Variants in BMP4 observed in about 807,000 individuals in gnomAD.
BMP4 encodes bone morphogenetic protein 2B.
BMP4 carries 3 observed loss-of-function variants against 29.6 expected under a neutral mutation model. The ratio of observed to expected loss-of-function variants is 0.10; its 90% CI spans 0.05 to 0.26. The LOEUF is 0.26. Among genes scored for constraint, BMP4 ranks in the 10% least tolerant of loss-of-function variants. The pLI, the probability that BMP4 is intolerant of heterozygous loss-of-function variation, is 1.00. For synonymous variants in BMP4, 197 were observed against 213.2 expected (o/e 0.92, Z 0.66); for missense variants, 455 against 550.2 (o/e 0.83, Z 1.73).
Position 53,949,786 on chromosome 14 carries a change from TATAA to T in BMP4, c.*242_*245del. On this transcript the variant is annotated 3_prime_UTR_variant, in exon 4 of 4. Coordinates refer to ENST00000245451, the MANE Select transcript of BMP4 (RefSeq NM_001202.6). ...TTATTTTTTTCTTTTAATACGTAGT[TATAA>T]ATATATTTTGTCAAAATATATGATC... 2.2e-6 allele frequency: 1 copy of T among 444,726 alleles called. No homozygotes were observed. Among genetic ancestry groups the T allele is most frequent in the Non-Finnish European group, 4.0e-6 (1 of 252,686 alleles). 27.5% of individuals were successfully genotyped at this position (444,726 alleles called of 1,614,324 possible).
Position 53,951,946 on chromosome 14 carries a change from C to G in BMP4, c.277G>C (p.Glu93Gln). 6.2e-7 allele frequency: 1 copy of G among 1,609,134 alleles called. No homozygotes were observed. The highest frequency in any genetic ancestry group is 8.5e-7 in the Non-Finnish European group (1 of 1,180,014). The change falls in exon 3 of 4, where the codon GAG (glutamate) becomes CAG (glutamine). Residue 93 changes from glutamate to glutamine, a missense_variant. This residue lies in a region of BMP4 where 249 missense variants were observed against 284.6 expected (regional missense o/e 0.87). Transcript: ENST00000245451. ...CTGTGGATCTGCTCTTCCTCCTCCT[C>G]CCCAGACTGAAGCCGGTAAAGATCC... ...MRDLYRLQSG[E>Q]EEEEQIHSTG...
Position 53,950,360 on chromosome 14 carries a change from C to G in BMP4, c.899G>C (p.Arg300Pro), listed in dbSNP as rs915821425. ...AKRSPKHHSQ[R>P]ARKKNKNCRR... Reference sequence around the variant, plus strand: ...GCAGTTCTTATTCTTCTTCCTGGCCCGCTGTGAGTGATGCTTAGGGCTACG... The same window carrying G: ...GCAGTTCTTATTCTTCTTCCTGGCCGGCTGTGAGTGATGCTTAGGGCTACG... Residue 300 changes from arginine to proline, a missense_variant, in exon 4 of 4, where the codon CGG becomes CCG. Coordinates refer to ENST00000245451, the MANE Select transcript of BMP4 (RefSeq NM_001202.6). The surrounding 1 kb of genome is among the most constrained non-coding windows in gnomAD (Gnocchi z 5.4). 1.9e-6 allele frequency: 3 copies of G among 1,613,928 alleles called. No homozygotes were observed. The highest frequency in any genetic ancestry group is 1.7e-6 in the Non-Finnish European group (2 of 1,179,950).
chr14:53,956,764 T>A lies in BMP4; in HGVS notation c.-347A>T, dbSNP rs971841229. The A allele has an allele frequency of 1.3e-4, 54 of 400,004 alleles. No homozygotes were observed. The highest frequency in any genetic ancestry group is 7.6e-4 in the African/African-American group (37 of 48,634). The allele number at this position is 400,004 out of a possible 1,614,324, so 24.8% of individuals were successfully genotyped here. On this transcript the variant is annotated 5_prime_UTR_variant, in exon 1 of 4. In the 5' UTR this introduces an upstream ATG that the reference lacks. Transcript: ENST00000245451. ...AGCTCGGATGCCACACTCACCTAGC[T>A]TCCGGGCCGGGCTCCGCGCTCCTTC...
intron 1 of BMP4, among the ~76,000 whole-genome samples, chr14:53,953,609 G>A (rs900483106): frequency 3.3e-5 from 5 of 151,836 alleles, no homozygotes; most frequent in African/African-American, 9.6e-5. Flanking sequence ...CCGAGCCTCA[G>A]CGGTCCGGGA....
chr14:53,953,381 A>T lies in BMP4; in HGVS notation c.-113T>A, dbSNP rs543662999. The T allele has an allele frequency of 2.5e-6, 1 of 399,212 alleles. No homozygotes were observed. Among genetic ancestry groups the T allele is most frequent in the South Asian group, 1.3e-4 (1 of 7,862 alleles). 24.7% of individuals were successfully genotyped at this position (399,212 alleles called of 1,614,324 possible). ...AAGCTGCAGCAGTGCGTTGCTCGGG[A>T]TGGCACTACGGAATGGCTCCTAAAA... On this transcript the variant is annotated 5_prime_UTR_variant, in exon 2 of 4. Transcript: ENST00000245451.
chr14:53,953,074 C>G (rs905976472), intron 2 of BMP4, among the ~76,000 whole-genome samples: 3 of 152,146 alleles, frequency 2.0e-5, no homozygotes, highest in African/African-American at 7.2e-5. Context: ...GCTGAGAGGG[C>G]GAGTGCGCGC....
intron 1 of BMP4, among the ~76,000 whole-genome samples, chr14:53,953,635 G>C (rs1435127355): frequency 6.6e-6 from 1 of 151,676 alleles, no homozygotes; most frequent in Non-Finnish European, 1.5e-5. Flanking sequence ...TCCCGGCGGC[G>C]CTCGGCAGAG....
At chr14:53,951,101 C>T (rs1895383198) in intron 3 of BMP4, among the ~76,000 whole-genome samples, 1 of 152,188 alleles carries the variant, frequency 6.6e-6, no homozygotes, top group Non-Finnish European at 1.5e-5. Flanking sequence ...TAGCATTTCT[C>T]AAGCACCAAA....
Position 53,949,911 on chromosome 14 carries a change from T to C in BMP4, c.*121A>G. The C allele has an allele frequency of 2.2e-6, 2 of 906,774 alleles. No individual in the cohort carries two copies. Among genetic ancestry groups the C allele is most frequent in the South Asian group, 2.2e-5 (1 of 45,640 alleles). The allele number at this position is 906,774 out of a possible 1,614,324, so 56.2% of individuals were successfully genotyped here. On this transcript the variant is annotated 3_prime_UTR_variant, in exon 4 of 4. Coordinates refer to ENST00000245451, the MANE Select transcript of BMP4 (RefSeq NM_001202.6). The stretch of plus-strand genomic sequence containing the variant: ...TTTTTTTTTTTTTTTTAAATAAAAG[T>C]CCAGCTATAAGGAAGCAGTCTGTGT...
chr14:53,952,157 G>C lies in BMP4; in HGVS notation c.66C>G (p.Ser22Arg), dbSNP rs2140238478. ...CCGTCTCAGGTATCAAACTAGCATGGCTCGCGCCTCCTAGCAGGACTTGGC... is the reference window on the plus strand; with the variant it reads ...CCGTCTCAGGTATCAAACTAGCATGCCTCGCGCCTCCTAGCAGGACTTGGC... ...LLCQVLLGGA[S>R]HASLIPETGK... Residue 22 changes from serine to arginine, a missense_variant, in exon 3 of 4, where the codon AGC becomes AGG. Ser to Arg is a moderately radical substitution (Grantham distance 110). This residue lies in a region of BMP4 where 249 missense variants were observed against 284.6 expected (regional missense o/e 0.87). Transcript: ENST00000245451. The C allele has an allele frequency of 6.2e-7, 1 of 1,614,124 alleles. No homozygotes were observed. The highest frequency in any genetic ancestry group is 2.2e-5 in the East Asian group (1 of 44,878).
In BMP4 at chr14:53,952,224, G is replaced by T. The variant is rs1395940068; in HGVS notation, c.-2C>A. On this transcript the variant is annotated 5_prime_UTR_variant, in exon 3 of 4. Coordinates refer to ENST00000245451, the MANE Select transcript of BMP4 (RefSeq NM_001202.6). ...CAGCATTCGGTTACCAGGAATCATG[G>T]TGTCTCTGGGGAGGGGGAGGGGAGT... 6.2e-7 allele frequency: 1 copy of T among 1,613,964 alleles called. No individual in the cohort carries two copies. Among genetic ancestry groups the T allele is most frequent in the Non-Finnish European group, 8.5e-7 (1 of 1,180,038 alleles).
rs1321205344 is a variant in BMP4 at position 53,952,759 on chromosome 14, G to A, written c.-8+517C>T. Among the ~76,000 whole-genome samples the A allele has an allele frequency of 2.0e-5, 3 of 152,220 alleles. No homozygotes were observed. The East Asian group carries it at 5.8e-4, about 29-fold the overall frequency. ...GGCTGGGCGAAGACAGAGGGCGACA[G>A]GGTCCAGAAGCCGAGAAGGTGGTCT... On this transcript the variant is annotated intron_variant, in intron 2 of 3. Coordinates refer to ENST00000245451, the MANE Select transcript of BMP4 (RefSeq NM_001202.6).
chr14:53,952,730 C>T (rs947164815), intron 2 of BMP4, among the ~76,000 whole-genome samples: 1 of 152,032 alleles, frequency 6.6e-6, no homozygotes, highest in Admixed American at 6.5e-5. Context: ...AAGTGAGAGG[C>T]AGGGGCTGGG....
chr14:53,953,615 C>G (rs962957269), intron 1 of BMP4, among the ~76,000 whole-genome samples: 4 of 151,780 alleles, frequency 2.6e-5, no homozygotes, highest in Non-Finnish European at 4.4e-5. Flanking sequence ...CTCAGCGGTC[C>G]GGGAGGAGCT....
chr14:53,953,837 C>A (rs553780905), intron 1 of BMP4, among the ~76,000 whole-genome samples: 1 of 151,498 alleles, frequency 6.6e-6, no homozygotes, highest in South Asian at 2.1e-4. Flanking sequence ...GGAGCGAGGT[C>A]GGGAAAGTCT....
At chr14:53,951,725 A>G in intron 3 of BMP4, 128 bp downstream of exon 3, 1 of 1,398,170 alleles carries the variant, frequency 7.2e-7, no homozygotes, top group South Asian at 1.4e-5. Flanking sequence ...GGAGGTAAGC[A>G]GCTCTGTTCC....
Position 53,952,066 on chromosome 14 carries a change from G to A in BMP4, c.157C>T (p.Leu53Phe), listed in dbSNP as rs1250647011. 2.5e-6 allele frequency: 4 copies of A among 1,614,116 alleles called. No homozygotes were observed. Among genetic ancestry groups the A allele is most frequent in the South Asian group, 2.2e-5 (2 of 91,086 alleles). ...AGTGTCGCCTCGAAGTCCCGCAGGAGCTCATGGCTCTGCCCTGAGCGGCGT... is the reference window on the plus strand; with the variant it reads ...AGTGTCGCCTCGAAGTCCCGCAGGAACTCATGGCTCTGCCCTGAGCGGCGT... ...GGRRSGQSHELLRDFEATLLQ... is the reference protein window; with the variant it reads ...GGRRSGQSHEFLRDFEATLLQ... Residue 53 changes from leucine to phenylalanine, a missense_variant, in exon 3 of 4, where the codon CTC becomes TTC. Physicochemically the swap from Leu to Phe is conservative, Grantham distance 22. Around this residue, in one of 4 missense-constraint regions of BMP4, gnomAD observed 249 missense variants for 284.6 expected, o/e 0.87. Transcript: ENST00000245451.
chr14:53,953,929 AC>A (rs71446481), intron 1 of BMP4, among the ~76,000 whole-genome samples: 1 of 148,524 alleles, frequency 6.7e-6, no homozygotes, highest in Non-Finnish European at 1.5e-5. Flanking sequence ...GTACACACAC[AC>A]CCCCCCACAC....
At chr14:53,951,685 A>G (rs1895420897) in intron 3 of BMP4, 168 bp downstream of exon 3, 1 of 1,104,058 alleles carries the variant, frequency 9.1e-7, no homozygotes, top group East Asian at 2.4e-5. Flanking sequence ...TCTCCAAAAA[A>G]TAAGTTCGGC....
Sources: gnomAD v4.1 joint callset for allele counts (sites outside exome capture counted in the v4.1 genomes callset) on GRCh38, gnomAD v4.1.1 for gene constraint, gnomAD v4.1.1 regional missense constraint, Gnocchi (gnomAD v3.1) non-coding constraint, MANE v1.5 for transcripts, NCBI Gene and HGNC (gene_info 2026-07-23, HGNC 2026-07-21) for gene names.